The following USP34 variants were observed in gnomAD, a reference collection of about 807,000 sequenced individuals.
USP34 encodes ubiquitin specific peptidase 34.
Under a neutral mutation model 460.3 loss-of-function variants are expected in USP34, and 70 were observed. The ratio of observed to expected loss-of-function variants is 0.15; its 90% confidence interval spans 0.13 to 0.19. The LOEUF is 0.19. Ranked by LOEUF, USP34 falls within the 10% of genes least tolerant of loss-of-function variation. USP34 has a pLI of 1.00. For missense variants in USP34, 3,985 were observed against 4,236.2 expected, an observed-to-expected ratio of 0.94 and a Z score of 1.65; for synonymous variants, 1,647 against 1,405.3, an observed-to-expected ratio of 1.17 and a Z score of -3.85.
chr2:61,192,810 T>C, intron 76 of USP34, 91 bp downstream of exon 76: 2 of 1,017,726 alleles, frequency 2.0e-6, no homozygotes, highest in Non-Finnish European at 2.9e-6. Context: ...TCCCCACTTT[T>C]CAGCAAGTCT....
chr2:61,227,981 G>A (rs887841339), intron 61 of USP34, among the ~76,000 whole-genome samples: 1 of 152,284 alleles, frequency 6.6e-6, no homozygotes, highest in East Asian at 1.9e-4. Flanking sequence ...TCTAAATGCA[G>A]ACTCAAAAGA....
rs577454515 is a variant in USP34 at position 61,219,950 on chromosome 2, T to A, written c.8047+360A>T. Among the ~76,000 whole-genome samples the A allele has an allele frequency of 2.6e-5, 4 of 151,940 alleles. No homozygotes were observed. In the East Asian group the frequency reaches 7.7e-4, roughly 29 times the overall value. On this transcript the variant is annotated intron_variant, in intron 67 of 79. Coordinates refer to ENST00000398571, the MANE Select transcript of USP34 (RefSeq NM_014709.4). The stretch of plus-strand genomic sequence containing the variant: ...TTAAAGTGTTTATATAACTCATAAT[T>A]TCAGCCAATATTTTCTCTCAGCTTA...
intron 20 of USP34, among the ~76,000 whole-genome samples, chr2:61,326,777 ATTTTTTT>A (rs35060068): frequency 9.7e-6 from 1 of 103,032 alleles, no homozygotes. Context: ...GTCAATGGGC[ATTTTTTT>A]TTTTTTTTTT....
chr2:61,324,619 A>T lies in USP34; in HGVS notation c.3013+756T>A, dbSNP rs558664836. ...GAAACCCTATCTCTATGAAAATTTT[A>T]AAAAAATTAGCTGGCTATGGTGGTG... On this transcript the variant is annotated intron_variant, in intron 21 of 79. Transcript: ENST00000398571. Among the ~76,000 whole-genome samples, 172 of 152,144 alleles carry T rather than the reference A, an allele frequency of 1.1e-3. 1 individual carries two copies. The South Asian group carries it at 0.017, about 15-fold the overall frequency.
chr2:61,365,604 T>G (rs917933720), intron 10 of USP34, among the ~76,000 whole-genome samples: 4 of 152,060 alleles, frequency 2.6e-5, no homozygotes, highest in African/African-American at 9.7e-5. Flanking sequence ...TAAATACAAT[T>G]AATTCTGGAG....
Position 61,202,361 on chromosome 2 carries a change from T to C in USP34, c.9508+779A>G, listed in dbSNP as rs543887138. ...GTCCCACTCTGAAAACTATAGAACATTGGAGAGGATCCTGGCCCATCCCTA... is the reference window on the plus strand; with the variant it reads ...GTCCCACTCTGAAAACTATAGAACACTGGAGAGGATCCTGGCCCATCCCTA... On this transcript the variant is annotated intron_variant, in intron 75 of 79. Coordinates refer to ENST00000398571, the MANE Select transcript of USP34 (RefSeq NM_014709.4). 1.1e-4 allele frequency among the ~76,000 whole-genome samples: 17 copies of C among 152,062 alleles called. No individual in the cohort carries two copies. In the South Asian group the frequency reaches 2.3e-3, roughly 20 times the overall value.
intron 18 of USP34, among the ~76,000 whole-genome samples, chr2:61,337,523 G>A (rs1291425972): frequency 2.6e-5 from 4 of 152,028 alleles, no homozygotes; most frequent in African/African-American, 7.3e-5. Flanking sequence ...ACGTGATCAC[G>A]ACTCACTGCA....
chr2:61,376,061 GT>G (rs1692790805), intron 8 of USP34, among the ~76,000 whole-genome samples: 1 of 152,050 alleles, frequency 6.6e-6, no homozygotes. Context: ...GAAATAATAG[GT>G]ACTGGCTACA....
chr2:61,212,719 T>A (rs1687303614), intron 68 of USP34, among the ~76,000 whole-genome samples: 1 of 152,212 alleles, frequency 6.6e-6, no homozygotes, highest in Non-Finnish European at 1.5e-5. Flanking sequence ...CATGAAAATT[T>A]CTAATAGATA....
chr2:61,379,189 T>A (rs1224407038), intron 7 of USP34, among the ~76,000 whole-genome samples: 2 of 152,172 alleles, frequency 1.3e-5, no homozygotes, highest in Non-Finnish European at 2.9e-5. Context: ...TTTCACATTT[T>A]CAGTGTGACT....
Position 61,235,881 on chromosome 2 carries a change from C to T in USP34, c.6996G>A (p.Leu2332=). ...KPTMLQWIEL[L]TKQFNNSQAA... is the part of the protein sequence containing the mutation. ...CCTGACTATTATTAAACTGTTTCGT[C>T]AACAGTTCAATCCACTGAAGCATCG... The change falls in exon 57 of 80, where the codon TTG becomes TTA. Residue 2332 remains leucine, a synonymous_variant. Coordinates refer to ENST00000398571, the MANE Select transcript of USP34 (RefSeq NM_014709.4). 1 of 1,613,734 alleles carries T rather than the reference C, an allele frequency of 6.2e-7. No homozygotes were observed. Among genetic ancestry groups the T allele is most frequent in the Non-Finnish European group, 8.5e-7 (1 of 1,179,924 alleles).
chr2:61,371,011 CAAACTGT>C (rs2103838257), intron 8 of USP34, among the ~76,000 whole-genome samples: 1 of 152,172 alleles, frequency 6.6e-6, no homozygotes, highest in African/African-American at 2.4e-5. Context: ...ATCCCCAAGC[CAAACTGT>C]AAGTCTCCTG....
intron 1 of USP34, among the ~76,000 whole-genome samples, chr2:61,424,098 C>T (rs2103980460): frequency 6.6e-6 from 1 of 152,262 alleles, no homozygotes. Flanking sequence ...ATCAGAAACA[C>T]AATTACCATA....
In USP34 at chr2:61,220,321, C is replaced by G; in HGVS notation, c.8036G>C (p.Arg2679Thr). 2 of 1,613,140 alleles carry G rather than the reference C, an allele frequency of 1.2e-6. No individual in the cohort carries two copies. The highest frequency in any genetic ancestry group is 1.7e-6 in the Non-Finnish European group (2 of 1,179,614). Residue 2679 changes from arginine to threonine, a missense_variant, in exon 67 of 80, where the codon AGA (arginine) becomes ACA (threonine). By Grantham distance (71) the Arg-to-Thr change is moderately conservative. This residue lies in a region of USP34 where 604 missense variants were observed against 684.8 expected (regional missense o/e 0.88). Transcript: ENST00000398571. Reference protein sequence around the residue: ...ERFLLAHNYPRVRTSAAYLLV... With the variant: ...ERFLLAHNYPTVRTSAAYLLV... ...AATATTTGACTTACAAGTCCTCACTCTAGGATAATTGTGAGCCAAAAGAAA... is the reference window on the plus strand; with the variant it reads ...AATATTTGACTTACAAGTCCTCACTGTAGGATAATTGTGAGCCAAAAGAAA...
rs1185222605 is a variant in USP34, at chr2:61,383,215, T to C, written c.821+54A>G. Reference sequence around the variant, plus strand: ...AAACAATATAATTCTATATTATAAATTGTTTAAATATATTACACTGATAAT... The same window carrying C: ...AAACAATATAATTCTATATTATAAACTGTTTAAATATATTACACTGATAAT... On this transcript the variant is annotated intron_variant, in intron 6 of 79. Transcript: ENST00000398571. 9 of 1,264,824 alleles carry C rather than the reference T, an allele frequency of 7.1e-6. No individual in the cohort carries two copies. The Admixed American group carries it at 9.0e-5, about 13-fold the overall frequency. 78.4% of individuals were successfully genotyped at this position (1,264,824 alleles called of 1,614,324 possible).
intron 1 of USP34, among the ~76,000 whole-genome samples, chr2:61,429,643 C>T (rs1288675784): frequency 1.3e-5 from 2 of 152,010 alleles, no homozygotes; most frequent in African/African-American, 4.8e-5. Context: ...CATATATATG[C>T]CAACATACGG....
At chr2:61,458,024 T>C (rs1330522971) in intron 1 of USP34, among the ~76,000 whole-genome samples, 2 of 152,140 alleles carry the variant, frequency 1.3e-5, no homozygotes, top group Non-Finnish European at 2.9e-5. Context: ...TCTTACGATT[T>C]TTCAGATATT....
chr2:61,334,334 T>C (rs573275415), intron 18 of USP34, among the ~76,000 whole-genome samples: 10 of 152,238 alleles, frequency 6.6e-5, no homozygotes, highest in African/African-American at 2.4e-4. Context: ...CATGACCTTA[T>C]GAACCACGTC....
At chr2:61,220,917 G>A (rs1687562831) in intron 66 of USP34, among the ~76,000 whole-genome samples, 2 of 152,064 alleles carry the variant, frequency 1.3e-5, no homozygotes, top group East Asian at 1.9e-4. Flanking sequence ...GCAAACTATG[G>A]CCAGCAGGTC....
Sources: allele counts gnomAD v4.1 joint callset (sites outside exome capture counted in the v4.1 genomes callset), GRCh38; gene constraint gnomAD v4.1.1; regional missense constraint gnomAD v4.1.1; transcripts MANE v1.5; gene names NCBI Gene and HGNC (gene_info 2026-07-23, HGNC 2026-07-21).